Variants in TMEM138 observed in about 807,000 individuals in gnomAD.
TMEM138 encodes transmembrane protein 138.
Under a neutral mutation model 18.1 loss-of-function variants are expected in TMEM138, and 9 were observed. The ratio of observed to expected loss-of-function variants is 0.50; its 90% CI spans 0.30 to 0.87. The LOEUF is 0.87. Ranked by LOEUF, TMEM138 falls within the 40% of genes least tolerant of loss-of-function variation. The pLI, the probability that TMEM138 is intolerant of heterozygous loss-of-function variation, is 0.06. For missense variants in TMEM138, 189 were observed against 190.6 expected (o/e 0.99, Z 0.05); for synonymous variants, 79 against 74.8 (o/e 1.06, Z -0.29).
downstream of TMEM138, among the ~76,000 whole-genome samples, chr11:61,371,899 G>C (rs543853475): frequency 6.6e-6 from 1 of 152,108 alleles, no homozygotes; most frequent in Non-Finnish European, 1.5e-5. Context: ...AATTTGGGCC[G>C]GGCACAGTGG....
chr11:61,372,483 CAAAAA>C (rs555340626), downstream of TMEM138, among the ~76,000 whole-genome samples: 1 of 84,624 alleles, frequency 1.2e-5, no homozygotes. Context: ...CATTCTTTCT[CAAAAA>C]AAAAAAAAAA....
At position 61,366,320 on chromosome 11, in the gene TMEM138, TCTC is replaced by T. The variant is rs1858149702; in HGVS notation, c.300+107_300+109del. On this transcript the variant is annotated intron_variant, in intron 3 of 4. Coordinates refer to ENST00000278826, the MANE Select transcript of TMEM138 (RefSeq NM_016464.5). ...TCTCAAACTCCTGAGCTCAAGCAAT[TCTC>T]CTGCTTCTGCCTCCCAAGCTCAAGC... 1.2e-5 allele frequency: 16 copies of T among 1,290,716 alleles called. No homozygotes were observed. In the East Asian group the frequency reaches 2.7e-4, roughly 22 times the overall value. The allele number at this position is 1,290,716 out of a possible 1,614,324, so 80.0% of individuals were successfully genotyped here.
chr11:61,374,143 C>CTTTTT (rs768260657), downstream of TMEM138, among the ~76,000 whole-genome samples: 2 of 125,640 alleles, frequency 1.6e-5, no homozygotes, highest in Admixed American at 8.2e-5. Context: ...GCGCCCAGTC[C>CTTTTT]TTTTTTTTTT....
In TMEM138 at chr11:61,368,642, T is replaced by C; in HGVS notation, c.422T>C (p.Leu141Pro). The change falls in exon 5 of 5, where the codon CTA becomes CCA. Residue 141 changes from leucine to proline, a missense_variant. Physicochemically the swap from Leu to Pro is moderately conservative, Grantham distance 98 (BLOSUM62 -3). Transcript: ENST00000278826. Reference sequence around the variant, plus strand: ...TTCTATAAACGGACAGCCGTAAGACTAGGCGATCCTCACTTCTACCAGGAC... The same window carrying C: ...TTCTATAAACGGACAGCCGTAAGACCAGGCGATCCTCACTTCTACCAGGAC... ...CYFYKRTAVR[L>P]GDPHFYQDSL... The C allele has an allele frequency of 5.0e-6, 8 of 1,614,138 alleles. No homozygotes were observed. Among genetic ancestry groups the C allele is most frequent in the Non-Finnish European group, 6.8e-6 (8 of 1,180,022 alleles).
At position 61,368,734 on chromosome 11, in the gene TMEM138, T is replaced by C. The variant is rs753808519; in HGVS notation, c.*25T>C. Reference sequence around the variant, plus strand: ...ACCTCTTGTCACACTGATGGATACTTTTCCTTCCTGATAGAAGCCACATTT... The same window carrying C: ...ACCTCTTGTCACACTGATGGATACTCTTCCTTCCTGATAGAAGCCACATTT... On this transcript the variant is annotated 3_prime_UTR_variant, in exon 5 of 5. Coordinates refer to ENST00000278826, the MANE Select transcript of TMEM138 (RefSeq NM_016464.5). The C allele has an allele frequency of 6.3e-7, 1 of 1,576,408 alleles. No homozygotes were observed. Among genetic ancestry groups the C allele is most frequent in the Admixed American group, 1.7e-5 (1 of 59,950 alleles).
chr11:61,368,726 T>C lies in TMEM138; in HGVS notation c.*17T>C, dbSNP rs1858251750. 1.9e-6 allele frequency: 3 copies of C among 1,586,236 alleles called. No individual in the cohort carries two copies. The highest frequency in any genetic ancestry group is 2.6e-6 in the Non-Finnish European group (3 of 1,155,306). On this transcript the variant is annotated 3_prime_UTR_variant, in exon 5 of 5. Transcript: ENST00000278826. The stretch of plus-strand genomic sequence containing the variant: ...CGAAGGTGACCTCTTGTCACACTGA[T>C]GGATACTTTTCCTTCCTGATAGAAG...
Position 61,364,889 on chromosome 11 carries a change from C to CAAA in TMEM138, c.128+386_128+388dup, listed in dbSNP as rs1292472815. 314 of 105,858 alleles carry CAAA rather than the reference C, an allele frequency of 3.0e-3. 1 individual carries two copies. Among genetic ancestry groups the CAAA allele is most frequent in the African/African-American group, 0.01 (291 of 28,618 alleles). 6.6% of individuals were successfully genotyped at this position (105,858 alleles called of 1,614,324 possible). Reference sequence around the variant, plus strand: ...CAACCAGGTGACAAAGACCCTATCTCAAAAAAAAAAAAAAAAAGCCAGGTG... The same window carrying CAAA: ...CAACCAGGTGACAAAGACCCTATCTCAAAAAAAAAAAAAAAAAAAAGCCAGGTG... On this transcript the variant is annotated intron_variant, in intron 2 of 4. Transcript: ENST00000278826.
rs778116559 is a variant in TMEM138, at chr11:61,368,957, C to T, written c.*248C>T. ...CCACCCCCTTTCCTTCCTTTCCTCT[C>T]TGTACCATTCATTCTCCCTGACCGG... On this transcript the variant is annotated 3_prime_UTR_variant, in exon 5 of 5. Coordinates refer to ENST00000278826, the MANE Select transcript of TMEM138 (RefSeq NM_016464.5). The T allele has an allele frequency of 1.9e-5, 9 of 465,564 alleles. No homozygotes were observed. Among genetic ancestry groups the T allele is most frequent in the Non-Finnish European group, 3.5e-5 (9 of 254,564 alleles). The allele number at this position is 465,564 out of a possible 1,614,324, so 28.8% of individuals were successfully genotyped here. A position where few individuals can be genotyped will look rare whatever the true frequency, so the allele number is the denominator to read the frequency against.
Position 61,366,119 on chromosome 11 carries a change from C to G in TMEM138, c.203C>G (p.Ala68Gly). 1 of 1,614,248 alleles carries G rather than the reference C, an allele frequency of 6.2e-7. No individual in the cohort carries two copies. The change falls in exon 3 of 5, where the codon GCT becomes GGT. Residue 68 changes from alanine (A) to glycine (G), a missense_variant. Coordinates refer to ENST00000278826, the MANE Select transcript of TMEM138 (RefSeq NM_016464.5). ...TTCTTCAACACCTTCGTCTTCCAGG[C>G]TGGCCTGGTCAACCTCCTATTCCAT... ...LMFFNTFVFQ[A>G]GLVNLLFHKF... is the part of the protein sequence containing the mutation.
At chr11:61,373,838 T>TA (rs1352325810), downstream of TMEM138, among the ~76,000 whole-genome samples, 60 of 151,832 alleles carry the variant, frequency 4.0e-4, no homozygotes, top group African/African-American at 1.4e-3. Context: ...ATTTTTTATT[T>TA]TTTATTTTTT....
rs969489943 is a variant in TMEM138, at chr11:61,364,311, C to G, written c.-80C>G. 6 of 1,508,536 alleles carry G rather than the reference C, an allele frequency of 4.0e-6. No individual in the cohort carries two copies. In the African/African-American group the frequency reaches 8.3e-5, roughly 21 times the overall value. 93.4% of individuals were successfully genotyped at this position (1,508,536 alleles called of 1,614,324 possible). ...TCAAAGGAACTAGAAGCCTCTCCCTCAGTGGTAGGGAGACAGCCAGGAGCG... is the reference window on the plus strand; with the variant it reads ...TCAAAGGAACTAGAAGCCTCTCCCTGAGTGGTAGGGAGACAGCCAGGAGCG... On this transcript the variant is annotated 5_prime_UTR_variant, in exon 2 of 5. Coordinates refer to ENST00000278826, the MANE Select transcript of TMEM138 (RefSeq NM_016464.5).
In TMEM138 at chr11:61,368,654, A is replaced by G. The variant is rs2135165574; in HGVS notation, c.434A>G (p.His145Arg). Residue 145 changes from histidine to arginine, a missense_variant, in exon 5 of 5, where the codon CAC (histidine) becomes CGC (arginine). Coordinates refer to ENST00000278826, the MANE Select transcript of TMEM138 (RefSeq NM_016464.5). ...KRTAVRLGDP[H>R]FYQDSLWLRK... ...ACAGCCGTAAGACTAGGCGATCCTCACTTCTACCAGGACTCTTTGTGGCTG... is the reference window on the plus strand; with the variant it reads ...ACAGCCGTAAGACTAGGCGATCCTCGCTTCTACCAGGACTCTTTGTGGCTG... The G allele has an allele frequency of 6.2e-7, 1 of 1,614,112 alleles. No individual in the cohort carries two copies. Among genetic ancestry groups the G allele is most frequent in the South Asian group, 1.1e-5 (1 of 91,092 alleles).
In TMEM138 at chr11:61,368,843, T is replaced by G. The variant is rs1858257842; in HGVS notation, c.*134T>G. On this transcript the variant is annotated 3_prime_UTR_variant, in exon 5 of 5. Transcript: ENST00000278826. ...AGGTTCAGACTAGCTGTGTTCAGCA[T>G]TCAAGAAGGAAGATCCTCCCTCTTG... is the stretch of plus-strand genomic sequence containing the variant. The G allele has an allele frequency of 2.9e-6, 2 of 681,680 alleles. No individual in the cohort carries two copies. Among genetic ancestry groups the G allele is most frequent in the African/African-American group, 3.5e-5 (2 of 56,418 alleles). 42.2% of individuals were successfully genotyped at this position (681,680 alleles called of 1,614,324 possible).
rs1554970010 is a variant in TMEM138, at chr11:61,367,927, T to TA, written c.306dup (p.Arg103ThrfsTer33). 8.7e-6 allele frequency: 14 copies of TA among 1,610,680 alleles called. No homozygotes were observed. The highest frequency in any genetic ancestry group is 1.7e-5 in the Admixed American group (1 of 59,994). On this transcript the variant is annotated frameshift_variant, in exon 4 of 5. Transcript: ENST00000278826. LOFTEE classifies it high-confidence loss of function. ...TGTATCTCACATCTCCTTCAGAACT[T>TA]ACGCTGGAAAAACTCCAACAGCTTC...
At chr11:61,375,763 A>G (rs915914140), downstream of TMEM138, among the ~76,000 whole-genome samples, 3 of 152,174 alleles carry the variant, frequency 2.0e-5, no homozygotes, top group African/African-American at 7.2e-5. Context: ...CCTTTAAGCA[A>G]TCAAATTTGA....
In TMEM138 at chr11:61,364,251, G is replaced by A; in HGVS notation, c.-139-1G>A. 1.0e-6 allele frequency: 1 copy of A among 987,558 alleles called. No homozygotes were observed. Among genetic ancestry groups the A allele is most frequent in the Non-Finnish European group, 1.5e-6 (1 of 670,510 alleles). 61.2% of individuals were successfully genotyped at this position (987,558 alleles called of 1,614,324 possible). A position where few individuals can be genotyped will look rare whatever the true frequency, so the allele number is the denominator to read the frequency against. On this transcript the variant is annotated splice_acceptor_variant, in intron 1 of 4. Transcript: ENST00000278826. LOFTEE classifies it low-confidence loss of function (5UTR_SPLICE). ...CCTTGCTTATCTTTTTGCTCCAACA[G>A]GTGCTTGCCTTAGAGCAAGGGAAAC... is the stretch of plus-strand genomic sequence containing the variant.
At position 61,368,782 on chromosome 11, in the gene TMEM138, C is replaced by A; in HGVS notation, c.*73C>A. ...TTTGCTGCTTTGCAGGGAGAGTTGG[C>A]CCTATGCATGGGCAAACAGCTGGAC... On this transcript the variant is annotated 3_prime_UTR_variant, in exon 5 of 5. Transcript: ENST00000278826. 1 of 1,198,704 alleles carries A rather than the reference C, an allele frequency of 8.3e-7. No homozygotes were observed. The highest frequency in any genetic ancestry group is 1.2e-6 in the Non-Finnish European group (1 of 813,820). The allele number at this position is 1,198,704 out of a possible 1,614,324, so 74.3% of individuals were successfully genotyped here. A position where few individuals can be genotyped will look rare whatever the true frequency, so the allele number is the denominator to read the frequency against.
At chr11:61,375,475 A>G (rs770760085), downstream of TMEM138, among the ~76,000 whole-genome samples, 35 of 151,854 alleles carry the variant, frequency 2.3e-4, no homozygotes, top group Non-Finnish European at 5.1e-4. Context: ...GGCATGCGCC[A>G]CCATGCCTGG....
intron 1 of TMEM138, chr11:61,362,851 T>A (rs1050081894): frequency 6.6e-6 from 1 of 152,234 alleles, no homozygotes; most frequent in African/African-American, 2.4e-5. Context: ...ATAGGAATAA[T>A]TCCCACCTTG....
Sources: allele counts gnomAD v4.1 joint callset (sites outside exome capture counted in the v4.1 genomes callset), GRCh38; gene constraint gnomAD v4.1.1; transcripts MANE v1.5; gene names NCBI Gene and HGNC (gene_info 2026-07-23, HGNC 2026-07-21).